Variants in PSMD14 observed in about 807,000 individuals in gnomAD.
PSMD14 encodes the protein proteasome 26S subunit, non-ATPase 14.
PSMD14 carries 7 observed loss-of-function variants against 41.2 expected under a neutral mutation model. The observed-to-expected ratio is 0.17, with a 90% CI of 0.10 to 0.32. The LOEUF is 0.32. PSMD14 is among the 10% of genes least tolerant of loss of function. The pLI is 1.00. For missense variants in PSMD14, 139 were observed against 375.6 expected (o/e 0.37, Z 5.21); for synonymous variants, 114 against 122.3 (o/e 0.93, Z 0.45).
In PSMD14 at chr2:161,411,550, G is replaced by A. The variant is rs1684025689; in HGVS notation, c.*150G>A. 1.2e-5 allele frequency: 5 copies of A among 423,142 alleles called. No individual in the cohort carries two copies. In the South Asian group the frequency reaches 3.6e-4, roughly 31 times the overall value. 26.2% of individuals were successfully genotyped at this position (423,142 alleles called of 1,614,324 possible). ...CACTGTAACACCTTCAGTCTCAGTT[G>A]TGCAATTACTTCTGTTTCTTTAGTC... On this transcript the variant is annotated 3_prime_UTR_variant, in exon 12 of 12. Transcript: ENST00000409682.
intron 3 of PSMD14, among the ~76,000 whole-genome samples, chr2:161,331,878 C>G (rs1350820540): frequency 2.6e-5 from 4 of 152,136 alleles, no homozygotes; most frequent in African/African-American, 9.7e-5. Flanking sequence ...CACAATGATC[C>G]TACATGGGTA....
chr2:161,320,893 T>G (rs1164363654), intron 3 of PSMD14, among the ~76,000 whole-genome samples: 1 of 152,104 alleles, frequency 6.6e-6, no homozygotes, highest in African/African-American at 2.4e-5. Context: ...GCCCAGCCGA[T>G]TTTTGAATTT....
At chr2:161,344,047 A>G (rs564299750) in intron 3 of PSMD14, among the ~76,000 whole-genome samples, 1 of 151,300 alleles carries the variant, frequency 6.6e-6, no homozygotes, top group African/African-American at 2.4e-5. Flanking sequence ...GAGATTATTT[A>G]AAGTGTATGG....
chr2:161,335,524 C>T (rs532497209), intron 3 of PSMD14, among the ~76,000 whole-genome samples: 1 of 152,268 alleles, frequency 6.6e-6, no homozygotes, highest in African/African-American at 2.4e-5. Context: ...GAGATTGTCT[C>T]ATCCCATATC....
intron 3 of PSMD14, among the ~76,000 whole-genome samples, chr2:161,336,854 C>G (rs1267792664): frequency 6.6e-6 from 1 of 152,190 alleles, no homozygotes; most frequent in African/African-American, 2.4e-5. Flanking sequence ...GGATTATAGG[C>G]GTGAGCCACC....
At chr2:161,370,289 TG>T in intron 6 of PSMD14, 112 bp downstream of exon 6, 1 of 819,870 alleles carries the variant, frequency 1.2e-6, no homozygotes, top group Non-Finnish European at 1.9e-6. Flanking sequence ...GTTATGTAAT[TG>T]ACATAAAAGT....
intron 3 of PSMD14, among the ~76,000 whole-genome samples, chr2:161,359,289 A>G (rs1683256563): frequency 6.6e-6 from 1 of 152,178 alleles, no homozygotes; most frequent in African/African-American, 2.4e-5. Flanking sequence ...GTTCTTTAAA[A>G]TACATTAATA....
intron 11 of PSMD14, 81 bp downstream of exon 11, chr2:161,408,980 A>G: frequency 2.6e-6 from 3 of 1,140,864 alleles, no homozygotes; most frequent in South Asian, 1.5e-5. Flanking sequence ...GGCCTATATA[A>G]TTTTTTTCCT....
intron 1 of PSMD14, among the ~76,000 whole-genome samples, chr2:161,310,675 TA>T (rs555123217): frequency 2.3e-4 from 35 of 152,358 alleles, no homozygotes; most frequent in African/African-American, 8.2e-4. Flanking sequence ...GCTTTGGACG[TA>T]TTTTTACAAC....
At chr2:161,378,866 A>G (rs1683537496) in intron 7 of PSMD14, among the ~76,000 whole-genome samples, 1 of 152,066 alleles carries the variant, frequency 6.6e-6, no homozygotes, top group African/African-American at 2.4e-5. Context: ...TCTATATAGT[A>G]TTTAATTGAT....
At chr2:161,329,611 G>A (rs1274645849) in intron 3 of PSMD14, among the ~76,000 whole-genome samples, 4 of 151,914 alleles carry the variant, frequency 2.6e-5, no homozygotes, top group African/African-American at 7.2e-5. Context: ...GAGAAGGGTC[G>A]AAAAATTTTA....
At chr2:161,356,931 A>C (rs1683213505) in intron 3 of PSMD14, among the ~76,000 whole-genome samples, 1 of 152,020 alleles carries the variant, frequency 6.6e-6, no homozygotes, top group Non-Finnish European at 1.5e-5. Context: ...TTAATAACAT[A>C]ATAAAATTGG....
intron 7 of PSMD14, among the ~76,000 whole-genome samples, chr2:161,371,813 C>T (rs1216539810): frequency 6.6e-6 from 1 of 152,004 alleles, no homozygotes; most frequent in Non-Finnish European, 1.5e-5. Flanking sequence ...CAACCATTCA[C>T]GTTTTTGGAG....
chr2:161,386,108 A>G (rs879277841), intron 8 of PSMD14, among the ~76,000 whole-genome samples: 6 of 151,850 alleles, frequency 4.0e-5, no homozygotes, highest in East Asian at 3.9e-4. Flanking sequence ...GTGATAGTCA[A>G]TTACCATTAA....
rs3769961 is a variant in PSMD14, at chr2:161,356,660, A to C, written c.49-10818A>C. 4.5e-3 allele frequency among the ~76,000 whole-genome samples: 691 copies of C among 152,106 alleles called. 39 individuals carry two copies. The East Asian group carries it at 0.11, about 25-fold the overall frequency. ...TTTTTTGTTATAAAGCATATATTTT[A>C]ACAGACTTTTAAAAATAATTTTTAA... is the stretch of plus-strand genomic sequence containing the variant. On this transcript the variant is annotated intron_variant, in intron 3 of 11. Transcript: ENST00000409682.
intron 3 of PSMD14, among the ~76,000 whole-genome samples, chr2:161,327,275 A>T (rs993119133): frequency 6.6e-6 from 1 of 152,128 alleles, no homozygotes; most frequent in African/African-American, 2.4e-5. Flanking sequence ...TGATGAAAAA[A>T]GTTCTGGAAC....
At chr2:161,353,649 A>ATG (rs1329568136) in intron 3 of PSMD14, among the ~76,000 whole-genome samples, 1 of 152,120 alleles carries the variant, frequency 6.6e-6, no homozygotes, top group African/African-American at 2.4e-5. Flanking sequence ...GCTGTCACTT[A>ATG]TGTGTGTGTT....
intron 1 of PSMD14, among the ~76,000 whole-genome samples, chr2:161,312,983 T>A (rs1026850965): frequency 6.6e-6 from 1 of 152,198 alleles, no homozygotes; most frequent in Admixed American, 6.5e-5. Context: ...CAGTAGCTAG[T>A]GTTTATTATA....
At chr2:161,312,463 A>C (rs1689101312) in intron 1 of PSMD14, among the ~76,000 whole-genome samples, 1 of 152,208 alleles carries the variant, frequency 6.6e-6, no homozygotes, top group South Asian at 2.1e-4. Flanking sequence ...TTTATTTTAA[A>C]TCCAGCATGG....
Sources: gnomAD v4.1 joint callset for allele counts (sites outside exome capture counted in the v4.1 genomes callset) on GRCh38, gnomAD v4.1.1 for gene constraint, MANE v1.5 for transcripts, NCBI Gene and HGNC (gene_info 2026-07-23, HGNC 2026-07-21) for gene names.